MTSS2: variants seen among roughly 807,000 people sequenced by gnomAD.
MTSS2 encodes MTSS I-BAR domain containing 2.
In MTSS2, 27 loss-of-function variants were observed where a neutral mutation model predicts 67.1. That is an observed-to-expected ratio of 0.40 (90% CI 0.30 to 0.55). The LOEUF is 0.55. MTSS2 is among the 20% of genes least tolerant of loss of function. The pLI, the probability that MTSS2 is intolerant of heterozygous loss-of-function variation, is 0.43. For synonymous variants in MTSS2, 624 were observed against 468.6 expected (o/e 1.33, Z -4.28); for missense variants, 1,171 against 1,067.8 (o/e 1.10, Z -1.35).
intron 10 of MTSS2, 93 bp from the exon 11 acceptor site, chr16:70,674,621 G>C: frequency 9.1e-7 from 1 of 1,102,480 alleles, no homozygotes; most frequent in Middle Eastern, 2.9e-4. Flanking sequence ...TGGGGAAAGA[G>C]GTGAGGGGCA....
At chr16:70,680,918 G>GGGGCGC in intron 2 of MTSS2, 46 bp downstream of exon 2, 1 of 1,097,934 alleles carries the variant, frequency 9.1e-7, no homozygotes, top group Non-Finnish European at 1.3e-6. Flanking sequence ...CGGGGGGGGG[G>GGGGCGC]CCTCTGCCTG....
In MTSS2 at chr16:70,661,715, A is replaced by G. The variant is rs113850273; in HGVS notation, c.*1962T>C. On this transcript the variant is annotated 3_prime_UTR_variant, in exon 15 of 15. Transcript: ENST00000338779. ...CCCCCGGGGCTCACAGGGGAGGGGG[A>G]CGGCGGAGTCGGTGGGGGCTGTGCC... The G allele has an allele frequency of 4.4e-3, 1,007 of 227,346 alleles. 13 individuals carry two copies. The highest frequency in any genetic ancestry group is 0.023 in the African/African-American group (956 of 42,344). The allele number at this position is 227,346 out of a possible 1,614,324, so 14.1% of individuals were successfully genotyped here. A position where few individuals can be genotyped will look rare whatever the true frequency, so the allele number is the denominator to read the frequency against.
In MTSS2 at chr16:70,661,786, G is replaced by C. The variant is rs2052482885; in HGVS notation, c.*1891C>G. 5.5e-6 allele frequency: 1 copy of C among 181,620 alleles called. No individual in the cohort carries two copies. Among genetic ancestry groups the C allele is most frequent in the Admixed American group, 5.8e-5 (1 of 17,368 alleles). The allele number at this position is 181,620 out of a possible 1,614,324, so 11.3% of individuals were successfully genotyped here. A position where few individuals can be genotyped will look rare whatever the true frequency, so the allele number is the denominator to read the frequency against. Reference sequence around the variant, plus strand: ...GTAGCCCCTGCCTCCTTTCCCATCAGGACCTCTGACGCCCAGGTCTGCCCA... The same window carrying C: ...GTAGCCCCTGCCTCCTTTCCCATCACGACCTCTGACGCCCAGGTCTGCCCA... On this transcript the variant is annotated 3_prime_UTR_variant, in exon 15 of 15. Transcript: ENST00000338779.
intron 11 of MTSS2, among the ~76,000 whole-genome samples, chr16:70,667,450 C>A (rs888304996): frequency 3.9e-5 from 6 of 152,040 alleles, no homozygotes; most frequent in South Asian, 4.1e-4. Flanking sequence ...CAGCAGCTAA[C>A]AGGAAAACAA....
At chr16:70,668,863 C>A (rs372216817) in intron 11 of MTSS2, among the ~76,000 whole-genome samples, 3 of 152,150 alleles carry the variant, frequency 2.0e-5, no homozygotes, top group African/African-American at 7.2e-5. Flanking sequence ...GAACTGTGAG[C>A]GCTACATTTC....
rs2053132571 is a variant in MTSS2 at position 70,676,862 on chromosome 16, G to A, written c.830+19C>T. ...GGGATACCGCCCCCCACACCCCTGG[G>A]AACCCCACCCCCACTGACCTGCACA... On this transcript the variant is annotated intron_variant, in intron 10 of 14. Transcript: ENST00000338779. The A allele has an allele frequency of 6.2e-7, 1 of 1,609,006 alleles. No homozygotes were observed. Among genetic ancestry groups the A allele is most frequent in the African/African-American group, 1.3e-5 (1 of 74,902 alleles).
chr16:70,669,478 T>C (rs1175786322), intron 11 of MTSS2, among the ~76,000 whole-genome samples: 2 of 151,832 alleles, frequency 1.3e-5, no homozygotes, highest in South Asian at 4.2e-4. Flanking sequence ...AGCCCAAGAG[T>C]ATGAGGCCAG....
intron 4 of MTSS2, 37 bp from the exon 5 acceptor site, chr16:70,679,914 G>T: frequency 6.5e-7 from 1 of 1,544,500 alleles, no homozygotes; most frequent in Non-Finnish European, 8.7e-7. Context: ...TCAGGGCCGG[G>T]CTCCCCCGCG....
intron 7 of MTSS2, among the ~76,000 whole-genome samples, chr16:70,678,858 G>A (rs142665473): frequency 0.025 from 3,742 of 152,194 alleles, 64 homozygotes; most frequent in Middle Eastern, 0.044. Context: ...GGAGAGCTAG[G>A]GCTGGGCCTT....
chr16:70,665,368 G>C, intron 12 of MTSS2, 98 bp downstream of exon 12: 1 of 1,310,458 alleles, frequency 7.6e-7, no homozygotes, highest in Non-Finnish European at 1.0e-6. Flanking sequence ...ACCCCTGGCT[G>C]AACCCAGGCC....
At position 70,685,955 on chromosome 16, in the gene MTSS2, G is replaced by A; in HGVS notation, c.-164C>T. The A allele has an allele frequency of 5.7e-6, 1 of 176,206 alleles. No individual in the cohort carries two copies. Among genetic ancestry groups the A allele is most frequent in the Non-Finnish European group, 1.1e-5 (1 of 93,262 alleles). The allele number at this position is 176,206 out of a possible 1,614,324, so 10.9% of individuals were successfully genotyped here. On this transcript the variant is annotated 5_prime_UTR_variant, in exon 1 of 15. Transcript: ENST00000338779. ...GCCGCGCCGCGCTCCGGGGTCGCGG[G>A]CCTCCGGCGGGCGGCGCGGGCCATG... is the stretch of plus-strand genomic sequence containing the variant.
chr16:70,664,914 G>A lies in MTSS2; in HGVS notation c.1305+6C>T, dbSNP rs377165830. 4 of 1,539,926 alleles carry A rather than the reference G, an allele frequency of 2.6e-6. No individual in the cohort carries two copies. In the African/African-American group the frequency reaches 5.4e-5, roughly 21 times the overall value. On this transcript the variant is annotated splice_donor_region_variant and intron_variant, in intron 13 of 14. Coordinates refer to ENST00000338779, the MANE Select transcript of MTSS2 (RefSeq NM_138383.3). ...TGGGCGTGAAGGGGGGCCCTGGCCAGCCTACCTTGGCTGCGATGGTGGCAG... is the reference window on the plus strand; with the variant it reads ...TGGGCGTGAAGGGGGGCCCTGGCCAACCTACCTTGGCTGCGATGGTGGCAG...
intron 1 of MTSS2, 120 bp from the exon 2 acceptor site, chr16:70,681,145 C>T: frequency 2.2e-6 from 2 of 903,872 alleles, no homozygotes; most frequent in African/African-American, 1.7e-5. Context: ...AGCAGCCCTG[C>T]CCCATGGAGA....
chr16:70,663,754 T>C lies in MTSS2; in HGVS notation c.2167A>G (p.Met723Val), dbSNP rs763247117. The change falls in exon 15 of 15, where the codon ATG becomes GTG. Residue 723 changes from methionine (M) to valine (V), a missense_variant. Around this residue, in one of 2 missense-constraint regions of MTSS2, gnomAD observed 924 missense variants for 756.0 expected, o/e 1.22. Coordinates refer to ENST00000338779, the MANE Select transcript of MTSS2 (RefSeq NM_138383.3). ...ACCCCACGCCGGATGGCCACCAGCA[T>C]GTCTTCGGCCGGGGGGTCGCTGGTG... ...AATSDPPAEDMLVAIRRGVRL... is the reference protein window; with the variant it reads ...AATSDPPAEDVLVAIRRGVRL... 4.5e-6 allele frequency: 7 copies of C among 1,559,016 alleles called. No individual in the cohort carries two copies. The highest frequency in any genetic ancestry group is 5.2e-6 in the Non-Finnish European group (6 of 1,155,372).
chr16:70,667,277 T>TG (rs1567488835), intron 11 of MTSS2, among the ~76,000 whole-genome samples: 1 of 16,706 alleles, frequency 6.0e-5, no homozygotes, highest in Non-Finnish European at 1.3e-4. Flanking sequence ...AGACTCTGTC[T>TG]CAAAAAAAAA....
chr16:70,666,711 T>G (rs931334672), intron 11 of MTSS2, among the ~76,000 whole-genome samples: 12 of 152,186 alleles, frequency 7.9e-5, no homozygotes, highest in African/African-American at 2.7e-4. Flanking sequence ...TTTGGCAATA[T>G]GACGGTTAAA....
At chr16:70,674,072 G>A (rs1239253814) in intron 11 of MTSS2, among the ~76,000 whole-genome samples, 1 of 152,156 alleles carries the variant, frequency 6.6e-6, no homozygotes, top group Non-Finnish European at 1.5e-5. Flanking sequence ...GAAAATCTAG[G>A]CATTATGCTG....
Position 70,662,199 on chromosome 16 carries a change from TC to T in MTSS2, c.*1477del, listed in dbSNP as rs2052506506. 1 of 152,026 alleles carries T rather than the reference TC, an allele frequency of 6.6e-6. No homozygotes were observed. Among genetic ancestry groups the T allele is most frequent in the South Asian group, 2.1e-4 (1 of 4,816 alleles). The allele number at this position is 152,026 out of a possible 1,614,324, so 9.4% of individuals were successfully genotyped here. On this transcript the variant is annotated 3_prime_UTR_variant, in exon 15 of 15. Coordinates refer to ENST00000338779, the MANE Select transcript of MTSS2 (RefSeq NM_138383.3). The stretch of plus-strand genomic sequence containing the variant: ...GACCCAGCTCCATTCTATCAATCAA[TC>T]AATCAATCATCAAGACCAAGGTGCT...
chr16:70,673,142 T>A (rs550330090), intron 11 of MTSS2, among the ~76,000 whole-genome samples: 2 of 152,188 alleles, frequency 1.3e-5, no homozygotes, highest in South Asian at 4.2e-4. Context: ...CCAGCCTAGG[T>A]GACAGAGTAA....
Sources: allele counts gnomAD v4.1 joint callset (sites outside exome capture counted in the v4.1 genomes callset), GRCh38; gene constraint gnomAD v4.1.1; regional missense constraint gnomAD v4.1.1; transcripts MANE v1.5; gene names NCBI Gene and HGNC (gene_info 2026-07-23, HGNC 2026-07-21).